Variants in NOX4 observed in about 807,000 individuals in gnomAD.
NOX4 encodes the protein kidney oxidase-1.
In NOX4, 69 loss-of-function variants were observed where a neutral mutation model predicts 87.6. The ratio of observed to expected loss-of-function variants is 0.79; its 90% CI spans 0.65 to 0.96. NOX4 has a LOEUF of 0.96. NOX4 is among the 40% of genes least tolerant of loss of function. The pLI, the probability that NOX4 is intolerant of heterozygous loss-of-function variation, is 0.00. For missense variants in NOX4, 680 were observed against 681.5 expected, an observed-to-expected ratio of 1.00 and a Z score of 0.02; for synonymous variants, 275 against 238.2, an observed-to-expected ratio of 1.15 and a Z score of -1.42.
chr11:89,460,508 G>C (rs1945409486), intron 2 of NOX4, among the ~76,000 whole-genome samples: 1 of 152,132 alleles, frequency 6.6e-6, no homozygotes, highest in Non-Finnish European at 1.5e-5. Context: ...GATATGAACA[G>C]ACACTTCTCA....
At chr11:89,552,173 C>A in the NOX4 span, among the ~76,000 whole-genome samples, 34 of 152,222 alleles carry the variant, frequency 2.2e-4, no homozygotes, top group African/African-American at 8.2e-4. Flanking sequence ...AAAACACTAA[C>A]TTTATAATAC....
At chr11:89,352,400 A>T (rs2134964861) in intron 13 of NOX4, among the ~76,000 whole-genome samples, 1 of 152,304 alleles carries the variant, frequency 6.6e-6, no homozygotes, top group Non-Finnish European at 1.5e-5. Flanking sequence ...GATCAAAGAG[A>T]AATTCTGACT....
upstream of NOX4, among the ~76,000 whole-genome samples, chr11:89,501,301 A>T (rs1413868988): frequency 6.6e-6 from 1 of 152,048 alleles, no homozygotes; most frequent in African/African-American, 2.4e-5. Context: ...AGAAAAGCTA[A>T]CTGTTTCCAT....
At chr11:89,348,533 C>A (rs1946315329) in intron 13 of NOX4, among the ~76,000 whole-genome samples, 1 of 152,158 alleles carries the variant, frequency 6.6e-6, no homozygotes, top group African/African-American at 2.4e-5. Flanking sequence ...AGGAGGTTCA[C>A]TTAAGCCCAA....
At chr11:89,444,056 T>C (rs1320841897) in intron 5 of NOX4, 79 bp downstream of exon 5, 7 of 1,254,174 alleles carry the variant, frequency 5.6e-6, no homozygotes, top group Admixed American at 1.7e-5. Flanking sequence ...AAGGTACAAA[T>C]TTTCAGGGAA....
At chr11:89,352,244 G>A (rs549934642) in intron 13 of NOX4, among the ~76,000 whole-genome samples, 30 of 152,054 alleles carry the variant, frequency 2.0e-4, no homozygotes, top group Non-Finnish European at 3.4e-4. Flanking sequence ...AATTACATAC[G>A]TACCACAAAA....
In NOX4 at chr11:89,451,835, G is replaced by C. The variant is rs1459489801; in HGVS notation, c.214C>G (p.Leu72Val). ...SVLNLNCSLI[L>V]LPMCRTLLAY... The stretch of plus-strand genomic sequence containing the variant: ...AAGAGTGTTCGGCACATGGGTAAAA[G>C]GATAAGGCTGCAGTTGAGGTTAAGA... The change falls in exon 3 of 18, where the codon CTT becomes GTT. Residue 72 changes from leucine (L) to valine (V), a missense_variant. Coordinates refer to ENST00000263317, the MANE Select transcript of NOX4 (RefSeq NM_016931.5). 2 of 1,613,454 alleles carry C rather than the reference G, an allele frequency of 1.2e-6. No individual in the cohort carries two copies. Among genetic ancestry groups the C allele is most frequent in the Admixed American group, 3.3e-5 (2 of 59,968 alleles).
intron 2 of NOX4, among the ~76,000 whole-genome samples, chr11:89,488,523 G>A (rs1946718760): frequency 6.6e-6 from 1 of 152,048 alleles, no homozygotes; most frequent in Non-Finnish European, 1.5e-5. Context: ...GAAAATTAAT[G>A]AGTTGGTTTC....
intron 2 of NOX4, among the ~76,000 whole-genome samples, chr11:89,472,684 A>G (rs1236595427): frequency 6.6e-6 from 1 of 152,172 alleles, no homozygotes; most frequent in African/African-American, 2.4e-5. Context: ...TTTTGTCCCA[A>G]TTTTGTCTAC....
At chr11:89,508,516 C>A in the NOX4 span, among the ~76,000 whole-genome samples, 1 of 152,034 alleles carries the variant, frequency 6.6e-6, no homozygotes, top group Non-Finnish European at 1.5e-5. Context: ...TTGAACGTGC[C>A]AGCTTCTAAG....
the NOX4 span, among the ~76,000 whole-genome samples, chr11:89,583,318 A>G: frequency 3.9e-5 from 6 of 152,210 alleles, no homozygotes; most frequent in Non-Finnish European, 7.4e-5. Context: ...TATTTTTAAC[A>G]TTTCCAATGG....
At chr11:89,449,340 A>G (rs752809566) in intron 4 of NOX4, 100 bp downstream of exon 4, 1 of 819,202 alleles carries the variant, frequency 1.2e-6, no homozygotes, top group African/African-American at 1.7e-5. Flanking sequence ...GAAGAATAAG[A>G]TTAGGGAAAA....
the NOX4 span, among the ~76,000 whole-genome samples, chr11:89,525,731 T>A: frequency 6.6e-6 from 1 of 152,134 alleles, no homozygotes; most frequent in Non-Finnish European, 1.5e-5. Flanking sequence ...TTTTAAAAGT[T>A]AAATTTATCC....
intron 7 of NOX4, among the ~76,000 whole-genome samples, chr11:89,431,458 G>A (rs960176454): frequency 2.6e-5 from 4 of 152,048 alleles, no homozygotes; most frequent in African/African-American, 9.7e-5. Context: ...CTACCTATCT[G>A]ACAAAGGGCT....
rs1208007737 is a variant in NOX4, at chr11:89,399,432, AATATATATATATATATAT to A, written c.1074+567_1074+584del. ...AGAAAAGTAAATATTCAAGAAATTA[AATATATATATATATATAT>A]ATATATATATATATATATATATTTG... is the stretch of plus-strand genomic sequence containing the variant. On this transcript the variant is annotated intron_variant, in intron 11 of 17. Transcript: ENST00000263317. 4.6e-4 allele frequency among the ~76,000 whole-genome samples: 35 copies of A among 75,648 alleles called. 1 individual carries two copies. The highest frequency in any genetic ancestry group is 6.0e-4 in the Non-Finnish European group (24 of 39,860). The allele number at this position is 75,648 out of a possible 152,430, so 49.6% of individuals were successfully genotyped here.
At chr11:89,513,736 T>C in the NOX4 span, among the ~76,000 whole-genome samples, 1 of 152,044 alleles carries the variant, frequency 6.6e-6, no homozygotes, top group African/African-American at 2.4e-5. Context: ...GTATATATTT[T>C]TATCTTTATT....
At chr11:89,330,628 G>GAAAA (rs35155228) in intron 17 of NOX4, among the ~76,000 whole-genome samples, 1 of 79,618 alleles carries the variant, frequency 1.3e-5, no homozygotes, top group African/African-American at 4.4e-5. Context: ...TTACTAAAAA[G>GAAAA]AAAAAAAAAA....
At chr11:89,542,314 T>G in the NOX4 span, among the ~76,000 whole-genome samples, 1 of 152,258 alleles carries the variant, frequency 6.6e-6, no homozygotes. Context: ...TGTCTTCTAA[T>G]ATTTGTCTGG....
At chr11:89,468,009 T>C (rs898840850) in intron 2 of NOX4, among the ~76,000 whole-genome samples, 5 of 152,246 alleles carry the variant, frequency 3.3e-5, no homozygotes, top group African/African-American at 1.2e-4. Flanking sequence ...ATTTTACTTA[T>C]CAGTAAATTT....
Sources: allele counts gnomAD v4.1 joint callset (sites outside exome capture counted in the v4.1 genomes callset), GRCh38; gene constraint gnomAD v4.1.1; transcripts MANE v1.5; gene names NCBI Gene and HGNC (gene_info 2026-07-23, HGNC 2026-07-21).